The following COL5A2 variants were observed in gnomAD, a reference collection of about 807,000 sequenced individuals.
COL5A2 encodes the protein collagen type V alpha 2 chain.
Under a neutral mutation model 208.2 loss-of-function variants are expected in COL5A2, and 23 were observed. The ratio of observed to expected loss-of-function variants is 0.11; its 90% CI spans 0.08 to 0.16. The LOEUF (loss-of-function observed/expected upper bound fraction) is 0.16. COL5A2 is among the 10% of genes least tolerant of loss of function. The pLI is 1.00. For synonymous variants in COL5A2, 625 were observed against 628.5 expected (o/e 0.99, Z 0.08); for missense variants, 1,590 against 1,956.4 (o/e 0.81, Z 3.53).
At chr2:189,239,790 A>T in the COL5A2 span, among the ~76,000 whole-genome samples, 2 of 151,928 alleles carry the variant, frequency 1.3e-5, no homozygotes, top group Admixed American at 6.6e-5. Flanking sequence ...TAAAATAAAT[A>T]AAAAAATAAA....
At chr2:189,257,752 T>A in the COL5A2 span, among the ~76,000 whole-genome samples, 2 of 152,292 alleles carry the variant, frequency 1.3e-5, no homozygotes, top group African/African-American at 4.8e-5. Context: ...AAAGACAACT[T>A]CCAAGTGGAG....
At chr2:189,116,244 G>A (rs1157578248) in intron 1 of COL5A2, among the ~76,000 whole-genome samples, 8 of 152,294 alleles carry the variant, frequency 5.3e-5, no homozygotes, top group South Asian at 2.1e-4. Context: ...AGCCGCCCAC[G>A]TGTCAGTCTG....
At chr2:189,045,675 C>T (rs1035182291) in intron 46 of COL5A2, 125 bp downstream of exon 46, 7 of 789,548 alleles carry the variant, frequency 8.9e-6, no homozygotes, top group African/African-American at 1.7e-5. Context: ...TAGCTGTTTA[C>T]CATTCATTAT....
intron 11 of COL5A2, among the ~76,000 whole-genome samples, chr2:189,084,681 C>A (rs1686611763): frequency 6.6e-6 from 1 of 152,102 alleles, no homozygotes; most frequent in African/African-American, 2.4e-5. Context: ...ATGTTAAAAT[C>A]TGGAGTTGGG....
At chr2:189,293,811 A>C in the COL5A2 span, among the ~76,000 whole-genome samples, 1 of 152,126 alleles carries the variant, frequency 6.6e-6, no homozygotes, top group Non-Finnish European at 1.5e-5. Flanking sequence ...GAGGGCCAGG[A>C]GCGGTGGCTC....
chr2:189,051,420 C>G lies in COL5A2; in HGVS notation c.2831G>C (p.Arg944Pro), dbSNP rs761988412. The G allele has an allele frequency of 3.7e-6, 6 of 1,613,758 alleles. No individual in the cohort carries two copies. The highest frequency in any genetic ancestry group is 2.2e-5 in the East Asian group (1 of 44,850). Residue 944 changes from arginine (R) to proline (P), a missense_variant, in exon 42 of 54, where the codon CGT becomes CCT. Arg to Pro is a moderately radical substitution (Grantham distance 103, BLOSUM62 -2). Coordinates refer to ENST00000374866, the MANE Select transcript of COL5A2 (RefSeq NM_000393.5). ...EPGKEGPPGL[R>P]GDPGSHGRVG... ...ACGCCCATGAGAGCCAGGGTCCCCA[C>G]GAAGACCTGGAGGTCCCTCCTTCCC... is the stretch of plus-strand genomic sequence containing the variant.
At chr2:189,060,981 C>T (rs1461331234) in intron 30 of COL5A2, among the ~76,000 whole-genome samples, 198 bp from the exon 31 acceptor site, 1 of 151,900 alleles carries the variant, frequency 6.6e-6, no homozygotes. Flanking sequence ...AACAGCTAGT[C>T]AATTTATAGG....
At chr2:189,438,209 C>A in the COL5A2 span, among the ~76,000 whole-genome samples, 311 of 150,716 alleles carry the variant, frequency 2.1e-3, no homozygotes, top group African/African-American at 7.2e-3. Flanking sequence ...AAAACCTTGA[C>A]AATACCAAGT....
At chr2:189,262,011 T>C in the COL5A2 span, among the ~76,000 whole-genome samples, 1 of 152,212 alleles carries the variant, frequency 6.6e-6, no homozygotes, top group South Asian at 2.1e-4. Context: ...TATTTTCTAT[T>C]ATTGTTTTAT....
chr2:189,300,334 C>T, the COL5A2 span, among the ~76,000 whole-genome samples: 5,608 of 152,178 alleles, frequency 0.037, 118 homozygotes, highest in Admixed American at 0.05. Context: ...AGAAATTACA[C>T]CAGAAACTAT....
chr2:189,134,758 T>C (rs563358590), intron 1 of COL5A2, among the ~76,000 whole-genome samples: 1 of 152,194 alleles, frequency 6.6e-6, no homozygotes, highest in Non-Finnish European at 1.5e-5. Flanking sequence ...ACAAGTTATG[T>C]CATAAATGCC....
the COL5A2 span, among the ~76,000 whole-genome samples, chr2:189,327,660 A>T: frequency 6.6e-6 from 1 of 152,228 alleles, no homozygotes; most frequent in African/African-American, 2.4e-5. Context: ...GTTGTCATAT[A>T]ACTTGATGAA....
At chr2:189,420,859 A>G in the COL5A2 span, among the ~76,000 whole-genome samples, 1 of 152,140 alleles carries the variant, frequency 6.6e-6, no homozygotes, top group East Asian at 1.9e-4. Context: ...AAGAACATCA[A>G]TTAAGGACAT....
At chr2:189,150,169 G>T (rs1031743893) in intron 1 of COL5A2, among the ~76,000 whole-genome samples, 16 of 152,084 alleles carry the variant, frequency 1.1e-4, no homozygotes, top group African/African-American at 3.6e-4. Context: ...AAACTAACAG[G>T]CTCACAGTCT....
intron 1 of COL5A2, 101 bp downstream of exon 1, chr2:189,179,407 A>C: frequency 5.0e-6 from 7 of 1,390,382 alleles, no homozygotes; most frequent in Non-Finnish European, 7.0e-6. Flanking sequence ...CTCAAACTTC[A>C]AACCAGAACC....
At chr2:189,265,021 G>C in the COL5A2 span, among the ~76,000 whole-genome samples, 1 of 152,124 alleles carries the variant, frequency 6.6e-6, no homozygotes, top group African/African-American at 2.4e-5. Flanking sequence ...CAGGCAGAGA[G>C]CCTCTTCAGA....
chr2:189,047,063 AG>A (rs1287754367), intron 45 of COL5A2, among the ~76,000 whole-genome samples: 3 of 151,724 alleles, frequency 2.0e-5, no homozygotes, highest in Admixed American at 6.6e-5. Context: ...TAGAGGTTGC[AG>A]CGAGACGAGA....
the COL5A2 span, among the ~76,000 whole-genome samples, chr2:189,300,492 A>G: frequency 2.0e-5 from 3 of 152,212 alleles, no homozygotes; most frequent in African/African-American, 7.2e-5. Flanking sequence ...TGTGTTTAGG[A>G]CAGCAAGAAA....
chr2:189,262,386 C>A, the COL5A2 span, among the ~76,000 whole-genome samples: 1 of 151,920 alleles, frequency 6.6e-6, no homozygotes, highest in Admixed American at 6.6e-5. Flanking sequence ...CACACACACA[C>A]ATACACACTA....
Sources: gnomAD v4.1 joint callset for allele counts (sites outside exome capture counted in the v4.1 genomes callset) on GRCh38, gnomAD v4.1.1 for gene constraint, MANE v1.5 for transcripts, NCBI Gene and HGNC (gene_info 2026-07-23, HGNC 2026-07-21) for gene names.